The following NELL1 variants were observed in gnomAD, a reference collection of about 807,000 sequenced individuals.
The protein encoded by NELL1 is protein kinase C-binding protein NELL1.
A neutral mutation model predicts 107.4 loss-of-function variants in NELL1; 76 were observed. The observed-to-expected ratio is 0.71, with a 90% CI of 0.59 to 0.86. NELL1 has a LOEUF of 0.86. Among genes scored for constraint, NELL1 ranks in the 40% least tolerant of loss-of-function variants. NELL1 has a pLI of 0.00. For missense variants in NELL1, 1,024 were observed against 1,005.5 expected, an observed-to-expected ratio of 1.02 and a Z score of -0.25; for synonymous variants, 353 against 341.2, an observed-to-expected ratio of 1.03 and a Z score of -0.38.
chr11:20,703,011 C>A (rs1159779350), intron 2 of NELL1, among the ~76,000 whole-genome samples: 1 of 151,996 alleles, frequency 6.6e-6, no homozygotes, highest in East Asian at 1.9e-4. Context: ...ATGATGCTGG[C>A]CTTATAAAGT....
chr11:21,080,544 C>G (rs1401422896), intron 12 of NELL1, among the ~76,000 whole-genome samples: 1 of 151,948 alleles, frequency 6.6e-6, no homozygotes, highest in Non-Finnish European at 1.5e-5. Flanking sequence ...ATATTGTATT[C>G]TTAGTGTGGC....
At chr11:21,495,160 C>A (rs138481324) in intron 15 of NELL1, among the ~76,000 whole-genome samples, 1 of 152,116 alleles carries the variant, frequency 6.6e-6, no homozygotes, top group Non-Finnish European at 1.5e-5. Context: ...AATCACTCCG[C>A]GTAATCCCTT....
chr11:21,554,295 G>T (rs975564258), intron 16 of NELL1, among the ~76,000 whole-genome samples: 2 of 151,846 alleles, frequency 1.3e-5, no homozygotes, highest in African/African-American at 4.8e-5. Flanking sequence ...AGTGACCAAA[G>T]CAAGTTCATG....
At chr11:21,271,304 A>G (rs1014255325) in intron 14 of NELL1, among the ~76,000 whole-genome samples, 1 of 152,174 alleles carries the variant, frequency 6.6e-6, no homozygotes, top group Non-Finnish European at 1.5e-5. Flanking sequence ...GAAAAAGAGG[A>G]TATCACTGTA....
At chr11:21,228,451 TA>T (rs1186677988) in intron 13 of NELL1, among the ~76,000 whole-genome samples, 1 of 152,128 alleles carries the variant, frequency 6.6e-6, no homozygotes, top group African/African-American at 2.4e-5. Flanking sequence ...TATGGAAAAT[TA>T]AACTGCTGAA....
chr11:21,209,925 T>G (rs1478345395), intron 13 of NELL1, among the ~76,000 whole-genome samples: 1 of 152,148 alleles, frequency 6.6e-6, no homozygotes, highest in African/African-American at 2.4e-5. Context: ...ACTACTAATT[T>G]ACATTCTGCT....
At chr11:20,952,002 A>G (rs561708445) in intron 11 of NELL1, among the ~76,000 whole-genome samples, 1 of 152,138 alleles carries the variant, frequency 6.6e-6, no homozygotes, top group African/African-American at 2.4e-5. Context: ...GCATCAATAT[A>G]GACCCAGCAG....
chr11:21,149,379 G>A (rs1210124623), intron 13 of NELL1, among the ~76,000 whole-genome samples: 1 of 152,230 alleles, frequency 6.6e-6, no homozygotes, highest in Non-Finnish European at 1.5e-5. Flanking sequence ...AGTTCCATGT[G>A]GCTGGGGAGG....
intron 1 of NELL1, among the ~76,000 whole-genome samples, chr11:20,674,052 C>T (rs1028318933): frequency 6.6e-6 from 1 of 152,082 alleles, no homozygotes; most frequent in Non-Finnish European, 1.5e-5. Context: ...ATTGATTTCT[C>T]TTTTTTTGGC....
chr11:20,871,277 A>G (rs1267749797), intron 4 of NELL1, among the ~76,000 whole-genome samples: 1 of 152,214 alleles, frequency 6.6e-6, no homozygotes, highest in South Asian at 2.1e-4. Context: ...CCTGTGGCCC[A>G]AAGCCAGGCA....
chr11:21,149,735 C>G (rs1000247214), intron 13 of NELL1, among the ~76,000 whole-genome samples: 1 of 151,968 alleles, frequency 6.6e-6, no homozygotes, highest in African/African-American at 2.4e-5. Flanking sequence ...GCCCAATAGG[C>G]GTAAATAAAT....
chr11:21,329,997 A>G (rs1850235324), intron 14 of NELL1, among the ~76,000 whole-genome samples: 1 of 152,088 alleles, frequency 6.6e-6, no homozygotes, highest in Non-Finnish European at 1.5e-5. Flanking sequence ...AAGAAAATAA[A>G]TTATATGTTT....
intron 5 of NELL1, among the ~76,000 whole-genome samples, chr11:20,893,870 AAG>A (rs1849670906): frequency 6.6e-6 from 1 of 151,284 alleles, no homozygotes; most frequent in Non-Finnish European, 1.5e-5. Flanking sequence ...AAAAAAAAAA[AAG>A]AAAAATAGGC....
chr11:21,409,968 T>A (rs1477652814), intron 15 of NELL1, among the ~76,000 whole-genome samples: 4 of 152,116 alleles, frequency 2.6e-5, no homozygotes, highest in Non-Finnish European at 4.4e-5. Flanking sequence ...TAAATTTTTT[T>A]AATTTAGGAT....
In NELL1 at chr11:20,678,048, T is replaced by C. The variant is rs1413929640; in HGVS notation, c.172T>C (p.Phe58Leu). 46 of 1,614,122 alleles carry C rather than the reference T, an allele frequency of 2.8e-5. No individual in the cohort carries two copies. Among genetic ancestry groups the C allele is most frequent in the Non-Finnish European group, 3.8e-5 (45 of 1,179,984 alleles). Residue 58 changes from phenylalanine to leucine, a missense_variant, in exon 2 of 20, where the codon TTT (phenylalanine) becomes CTT (leucine). Coordinates refer to ENST00000357134, the MANE Select transcript of NELL1 (RefSeq NM_006157.5). The stretch of plus-strand genomic sequence containing the variant: ...TGGAATGCACAATGCCAGCAAAGCA[T>C]TTTTATTTCAAGGTAAAGGCACCTC... ...VSGMHNASKA[F>L]LFQDIEREIH...
intron 14 of NELL1, among the ~76,000 whole-genome samples, chr11:21,337,823 T>TCTTG (rs1555006189): frequency 3.2e-4 from 11 of 34,736 alleles, no homozygotes; most frequent in Admixed American, 6.9e-4. Flanking sequence ...TTTCCTTCTT[T>TCTTG]CTTTCTTTCT....
intron 13 of NELL1, among the ~76,000 whole-genome samples, chr11:21,182,964 G>T (rs1856859799): frequency 6.6e-6 from 1 of 151,942 alleles, no homozygotes; most frequent in South Asian, 2.1e-4. Context: ...AAACAAGAAG[G>T]ATGAAGTCCT....
rs78184275 is a variant in NELL1, at chr11:20,694,892, A to T, written c.184+16832A>T. ...ATAGATTGCTTTGGATTATATGGTCATTTTAATGATAGTGATTCTTCTAAT... is the reference window on the plus strand; with the variant it reads ...ATAGATTGCTTTGGATTATATGGTCTTTTTAATGATAGTGATTCTTCTAAT... On this transcript the variant is annotated intron_variant, in intron 2 of 19. Coordinates refer to ENST00000357134, the MANE Select transcript of NELL1 (RefSeq NM_006157.5). Among the ~76,000 whole-genome samples the T allele has an allele frequency of 7.1e-3, 1,075 of 152,126 alleles. 8 individuals are homozygous for T. Among genetic ancestry groups the T allele is most frequent in the African/African-American group, 0.025 (1,026 of 41,538 alleles).
intron 10 of NELL1, among the ~76,000 whole-genome samples, chr11:20,946,958 G>A (rs1850974895): frequency 6.6e-6 from 1 of 152,126 alleles, no homozygotes; most frequent in Non-Finnish European, 1.5e-5. Context: ...GTGATACCAT[G>A]TTAGTAGCTC....
Sources: allele counts gnomAD v4.1 joint callset (sites outside exome capture counted in the v4.1 genomes callset), GRCh38; gene constraint gnomAD v4.1.1; transcripts MANE v1.5; gene names NCBI Gene and HGNC (gene_info 2026-07-23, HGNC 2026-07-21).